Variants in MBD5 observed in about 807,000 individuals in gnomAD.
MBD5 encodes methyl-CpG binding domain protein 5.
Under a neutral mutation model 117.3 loss-of-function variants are expected in MBD5, and 13 were observed. The observed-to-expected ratio is 0.11, with a 90% CI of 0.07 to 0.18. The LOEUF is 0.18. MBD5 is among the 10% of genes least tolerant of loss of function. The pLI, the probability that MBD5 is intolerant of heterozygous loss-of-function variation, is 1.00. For synonymous variants in MBD5, 727 were observed against 766.4 expected, an observed-to-expected ratio of 0.95 and a Z score of 0.85; for missense variants, 1,879 against 2,093.8, an observed-to-expected ratio of 0.90 and a Z score of 2.00.
chr2:148,183,522 T>TAA (rs34261911), intron 2 of MBD5, among the ~76,000 whole-genome samples: 13 of 150,260 alleles, frequency 8.7e-5, no homozygotes, highest in South Asian at 2.1e-4. Flanking sequence ...CTTTTATTAC[T>TAA]AAAAAAAAAA....
chr2:148,204,636 C>T (rs185640367), intron 2 of MBD5, among the ~76,000 whole-genome samples: 6 of 152,264 alleles, frequency 3.9e-5, no homozygotes, highest in Admixed American at 1.3e-4. Flanking sequence ...TCCACATCAA[C>T]ATTTAGTACC....
At chr2:148,326,083 T>C (rs1179815554) in intron 3 of MBD5, among the ~76,000 whole-genome samples, 3 of 152,196 alleles carry the variant, frequency 2.0e-5, no homozygotes, top group Non-Finnish European at 4.4e-5. Flanking sequence ...CTGCCTTCAT[T>C]TCGTTATGTA....
At chr2:148,381,780 C>A (rs1464870406) in intron 4 of MBD5, among the ~76,000 whole-genome samples, 2 of 152,158 alleles carry the variant, frequency 1.3e-5, no homozygotes, top group Non-Finnish European at 2.9e-5. Context: ...CTCTACAAGC[C>A]AGAAGAGAGT....
intron 2 of MBD5, among the ~76,000 whole-genome samples, chr2:148,181,593 T>C (rs867414342): frequency 6.6e-6 from 1 of 152,208 alleles, no homozygotes; most frequent in African/African-American, 2.4e-5. Flanking sequence ...AAAATCACTA[T>C]TGAGTTTGAG....
At chr2:148,074,162 A>G (rs1255601156) in intron 1 of MBD5, among the ~76,000 whole-genome samples, 1 of 152,026 alleles carries the variant, frequency 6.6e-6, no homozygotes, top group East Asian at 1.9e-4. Context: ...TTCCCTATCA[A>G]TTTTGGTGCT....
intron 4 of MBD5, chr2:148,346,723 A>G (rs1368246314): frequency 2.6e-5 from 4 of 151,848 alleles, no homozygotes; most frequent in Admixed American, 2.0e-4. Flanking sequence ...AGAATATTAA[A>G]TCTATAAATC....
chr2:148,462,567 A>G lies in MBD5; in HGVS notation c.114-15A>G. ...CAAAATTATTTCCTGATGTTTTTTTAAACTATTTTTACAGTCCCAGTGGGT... is the reference window on the plus strand; with the variant it reads ...CAAAATTATTTCCTGATGTTTTTTTGAACTATTTTTACAGTCCCAGTGGGT... On this transcript the variant is annotated splice_polypyrimidine_tract_variant and intron_variant, in intron 5 of 13. Coordinates refer to ENST00000642680, the MANE Select transcript of MBD5 (RefSeq NM_001378120.1). The G allele has an allele frequency of 6.6e-7, 1 of 1,509,900 alleles. No individual in the cohort carries two copies. Among genetic ancestry groups the G allele is most frequent in the Non-Finnish European group, 9.2e-7 (1 of 1,086,268 alleles). The allele number at this position is 1,509,900 out of a possible 1,614,324, so 93.5% of individuals were successfully genotyped here.
chr2:148,375,097 A>G (rs1703957009), intron 4 of MBD5, among the ~76,000 whole-genome samples: 1 of 152,204 alleles, frequency 6.6e-6, no homozygotes, highest in Admixed American at 6.5e-5. Context: ...GTATAATACA[A>G]GTCATCAATG....
intron 1 of MBD5, among the ~76,000 whole-genome samples, chr2:148,113,417 A>G (rs1488575685): frequency 1.3e-5 from 2 of 152,140 alleles, no homozygotes; most frequent in African/African-American, 4.8e-5. Flanking sequence ...TTTGGCATTT[A>G]CTGTTAACAG....
chr2:148,290,845 A>G (rs910566929), intron 3 of MBD5, among the ~76,000 whole-genome samples: 1 of 152,178 alleles, frequency 6.6e-6, no homozygotes, highest in African/African-American at 2.4e-5. Flanking sequence ...TTATGTGAAT[A>G]TATATTTTCA....
chr2:148,090,362 C>G (rs764829586), intron 1 of MBD5, among the ~76,000 whole-genome samples: 33 of 151,880 alleles, frequency 2.2e-4, no homozygotes, highest in Admixed American at 4.6e-4. Context: ...CATCCTAATA[C>G]CAAAACCAGG....
chr2:148,299,031 G>A lies in MBD5; in HGVS notation c.-679-43183G>A, dbSNP rs183056208. On this transcript the variant is annotated intron_variant, in intron 3 of 13. Transcript: ENST00000642680. ...CTTGATGGTCCCCCAGTTAACCCAG[G>A]ATATGCTAGGCCAAGCCAGGCCCTT... Among the ~76,000 whole-genome samples, 3 of 152,132 alleles carry A rather than the reference G, an allele frequency of 2.0e-5. No individual in the cohort carries two copies. In the East Asian group the frequency reaches 5.8e-4, roughly 29 times the overall value.
chr2:148,237,296 G>C (rs1228775527), intron 3 of MBD5, among the ~76,000 whole-genome samples: 1 of 152,150 alleles, frequency 6.6e-6, no homozygotes, highest in African/African-American at 2.4e-5. Flanking sequence ...AAGATGCCTG[G>C]CTTTCAGCTT....
intron 3 of MBD5, among the ~76,000 whole-genome samples, chr2:148,303,712 T>A (rs892437765): frequency 1.3e-5 from 2 of 152,214 alleles, no homozygotes; most frequent in South Asian, 4.1e-4. Flanking sequence ...TTCATGTGGT[T>A]CAACCTAATC....
intron 4 of MBD5, among the ~76,000 whole-genome samples, chr2:148,375,815 A>G (rs567870293): frequency 1.3e-5 from 2 of 151,934 alleles, no homozygotes; most frequent in Admixed American, 6.6e-5. Flanking sequence ...ATTTACCCCT[A>G]TTTTTGCCTT....
intron 4 of MBD5, among the ~76,000 whole-genome samples, chr2:148,370,571 C>T (rs528926496): frequency 1.7e-4 from 26 of 152,134 alleles, no homozygotes; most frequent in Non-Finnish European, 3.5e-4. Context: ...TCACTGCAAC[C>T]TCTGCCCACT....
At chr2:148,291,717 T>C (rs1167927127) in intron 3 of MBD5, among the ~76,000 whole-genome samples, 1 of 152,024 alleles carries the variant, frequency 6.6e-6, no homozygotes, top group Non-Finnish European at 1.5e-5. Flanking sequence ...GAAAAAACAA[T>C]CCTAAAATGT....
chr2:148,049,284 C>T (rs1694627117), intron 1 of MBD5, among the ~76,000 whole-genome samples: 1 of 152,126 alleles, frequency 6.6e-6, no homozygotes, highest in South Asian at 2.1e-4. Flanking sequence ...ACCATCCATT[C>T]TTCACTTTGC....
intron 3 of MBD5, among the ~76,000 whole-genome samples, chr2:148,322,709 T>C (rs1702315201): frequency 1.3e-5 from 2 of 152,180 alleles, no homozygotes; most frequent in Admixed American, 6.5e-5. Context: ...TGAACACACA[T>C]GTTAGTTTCA....
Sources: allele counts gnomAD v4.1 joint callset (sites outside exome capture counted in the v4.1 genomes callset), GRCh38; gene constraint gnomAD v4.1.1; transcripts MANE v1.5; gene names NCBI Gene and HGNC (gene_info 2026-07-23, HGNC 2026-07-21).